The following AGPAT5 variants were observed in gnomAD, a reference collection of about 807,000 sequenced individuals.
The protein encoded by AGPAT5 is 1-acylglycerol-3-phosphate O-acyltransferase 5, also known as 1-acyl-sn-glycerol-3-phosphate acyltransferase epsilon.
In AGPAT5, 46 loss-of-function variants were observed where a neutral mutation model predicts 45.6. The observed-to-expected ratio is 1.01, with a 90% CI of 0.80 to 1.29. AGPAT5 has a LOEUF of 1.29. AGPAT5 is among the 50% of genes most tolerant of loss of function. AGPAT5 has a pLI of 0.00. For missense variants in AGPAT5, 673 were observed against 450.7 expected, an observed-to-expected ratio of 1.49 and a Z score of -4.47; for synonymous variants, 272 against 167.0, an observed-to-expected ratio of 1.63 and a Z score of -4.85.
At position 6,709,026 on chromosome 8, in the gene AGPAT5, C is replaced by T. The variant is rs1004440942; in HGVS notation, c.219+139C>T. On this transcript the variant is annotated intron_variant, in intron 1 of 7. Coordinates refer to ENST00000285518, the MANE Select transcript of AGPAT5 (RefSeq NM_018361.5). Reference sequence around the variant, plus strand: ...ACGGAGAGCACGTGCCGCCTCCCCGCCTTCCTCTCCGCATGCTTCCTGCCG... The same window carrying T: ...ACGGAGAGCACGTGCCGCCTCCCCGTCTTCCTCTCCGCATGCTTCCTGCCG... The T allele has an allele frequency of 4.6e-5, 38 of 818,772 alleles. No individual in the cohort carries two copies. In the Admixed American group the frequency reaches 5.8e-4, roughly 13 times the overall value. 50.7% of individuals were successfully genotyped at this position (818,772 alleles called of 1,614,324 possible). A position where few individuals can be genotyped will look rare whatever the true frequency, so the allele number is the denominator to read the frequency against.
At chr8:6,738,002 T>A (rs1015140969) in intron 4 of AGPAT5, among the ~76,000 whole-genome samples, 4 of 152,218 alleles carry the variant, frequency 2.6e-5, no homozygotes, top group African/African-American at 4.8e-5. Context: ...TGTGGCTGGT[T>A]TGATGTTTTA....
At chr8:6,711,960 C>T (rs1800169706) in intron 1 of AGPAT5, among the ~76,000 whole-genome samples, 1 of 152,148 alleles carries the variant, frequency 6.6e-6, no homozygotes, top group African/African-American at 2.4e-5. Context: ...TGCAAAGAGC[C>T]TTTTTCCAAA....
Position 6,758,192 on chromosome 8 carries a change from G to T in AGPAT5, c.*804G>T, listed in dbSNP as rs1801909371. 6.6e-6 allele frequency: 1 copy of T among 152,408 alleles called. No homozygotes were observed. Among genetic ancestry groups the T allele is most frequent in the Admixed American group, 6.6e-5 (1 of 15,256 alleles). 9.4% of individuals were successfully genotyped at this position (152,408 alleles called of 1,614,324 possible). A position where few individuals can be genotyped will look rare whatever the true frequency, so the allele number is the denominator to read the frequency against. On this transcript the variant is annotated 3_prime_UTR_variant, in exon 8 of 8. Coordinates refer to ENST00000285518, the MANE Select transcript of AGPAT5 (RefSeq NM_018361.5). ...GCCATAAGTGCTTGAAAACGTTAAG[G>T]TTTTCTGTTTTGTTTTGTTTTTTTA... is the stretch of plus-strand genomic sequence containing the variant.
At chr8:6,736,474 T>A (rs1280212784) in intron 4 of AGPAT5, among the ~76,000 whole-genome samples, 3 of 152,234 alleles carry the variant, frequency 2.0e-5, no homozygotes, top group Admixed American at 2.0e-4. Context: ...ATTTAAAAGG[T>A]GTGTTGGGTT....
intron 7 of AGPAT5, among the ~76,000 whole-genome samples, chr8:6,755,793 G>A (rs1028744063): frequency 3.3e-5 from 5 of 151,832 alleles, no homozygotes; most frequent in Non-Finnish European, 7.4e-5. Context: ...AACCCTCCTG[G>A]GTTAACTTTA....
At position 6,757,445 on chromosome 8, in the gene AGPAT5, CACATG is replaced by C; in HGVS notation, c.*62_*66del. 7.6e-7 allele frequency: 1 copy of C among 1,312,896 alleles called. No homozygotes were observed. The highest frequency in any genetic ancestry group is 1.1e-6 in the Non-Finnish European group (1 of 916,242). 81.3% of individuals were successfully genotyped at this position (1,312,896 alleles called of 1,614,324 possible). ...CTACATTGTCTATTTTTGGCGGCTG[CACATG>C]ACATCAAATTGTTTCCTGAATTTAT... On this transcript the variant is annotated 3_prime_UTR_variant, in exon 8 of 8. Coordinates refer to ENST00000285518, the MANE Select transcript of AGPAT5 (RefSeq NM_018361.5).
chr8:6,714,815 A>G (rs1450146338), intron 1 of AGPAT5, among the ~76,000 whole-genome samples: 1 of 152,224 alleles, frequency 6.6e-6, no homozygotes, highest in Admixed American at 6.5e-5. Flanking sequence ...CTGTGCCATT[A>G]CGATGGAAGG....
intron 6 of AGPAT5, among the ~76,000 whole-genome samples, chr8:6,752,272 G>A (rs751749534): frequency 5.3e-5 from 8 of 152,064 alleles, no homozygotes; most frequent in East Asian, 3.8e-4. Context: ...CCCCAATTTG[G>A]ATATTTTCCT....
intron 5 of AGPAT5, among the ~76,000 whole-genome samples, chr8:6,747,229 C>T (rs1464439474): frequency 6.6e-6 from 1 of 152,222 alleles, no homozygotes; most frequent in Non-Finnish European, 1.5e-5. Flanking sequence ...CCTGCAGCCA[C>T]ACAGATGAAC....
intron 1 of AGPAT5, among the ~76,000 whole-genome samples, chr8:6,724,550 T>C (rs1300704001): frequency 6.6e-6 from 1 of 152,238 alleles, no homozygotes; most frequent in East Asian, 1.9e-4. Context: ...CTAGATTGAT[T>C]GTGGGCTCTT....
intron 6 of AGPAT5, among the ~76,000 whole-genome samples, chr8:6,753,126 T>C (rs1412013407): frequency 2.0e-5 from 3 of 152,242 alleles, no homozygotes; most frequent in Admixed American, 6.5e-5. Context: ...TGAGCACATG[T>C]ACGTTTTAGG....
chr8:6,721,931 G>A (rs189855930), intron 1 of AGPAT5, among the ~76,000 whole-genome samples: 3 of 152,088 alleles, frequency 2.0e-5, no homozygotes, highest in African/African-American at 4.8e-5. Flanking sequence ...GAAGCCAAGC[G>A]ATTCTTCTGC....
intron 4 of AGPAT5, 109 bp from the exon 5 acceptor site, chr8:6,741,552 C>G (rs1330327892): frequency 9.0e-6 from 6 of 667,784 alleles, no homozygotes; most frequent in Non-Finnish European, 1.5e-5. Context: ...ACATTTTCTC[C>G]TACTGTAGGA....
At chr8:6,740,136 T>C (rs1390004898) in intron 4 of AGPAT5, among the ~76,000 whole-genome samples, 1 of 152,152 alleles carries the variant, frequency 6.6e-6, no homozygotes. Context: ...TGTCTGTCAA[T>C]GTTCTTTTAA....
intron 2 of AGPAT5, among the ~76,000 whole-genome samples, chr8:6,729,530 C>A (rs887107516): frequency 4.6e-5 from 7 of 151,946 alleles, no homozygotes; most frequent in African/African-American, 1.7e-4. Flanking sequence ...TTTATGTTTT[C>A]TTTCTCATCA....
At chr8:6,716,440 A>C (rs1181849106) in intron 1 of AGPAT5, among the ~76,000 whole-genome samples, 1 of 152,120 alleles carries the variant, frequency 6.6e-6, no homozygotes, top group East Asian at 1.9e-4. Context: ...GTGTGCCTGT[A>C]GTCCTAGCTA....
At chr8:6,723,320 T>C (rs10102783) in intron 1 of AGPAT5, among the ~76,000 whole-genome samples, 3,374 of 152,010 alleles carry the variant, frequency 0.022, 120 homozygotes, top group African/African-American at 0.077. Context: ...CCTGAAGGAG[T>C]GTGGGCAGGT....
chr8:6,726,964 C>T (rs373029902), intron 2 of AGPAT5, among the ~76,000 whole-genome samples: 2 of 152,104 alleles, frequency 1.3e-5, no homozygotes, highest in African/African-American at 2.4e-5. Flanking sequence ...GAAAAATGTG[C>T]ATATAAAAAT....
intron 2 of AGPAT5, among the ~76,000 whole-genome samples, chr8:6,727,257 G>C (rs1312474097): frequency 6.6e-6 from 1 of 151,996 alleles, no homozygotes; most frequent in African/African-American, 2.4e-5. Flanking sequence ...CCTTGTTTTC[G>C]CTTGACACAT....
Sources: allele counts gnomAD v4.1 joint callset (sites outside exome capture counted in the v4.1 genomes callset), GRCh38; gene constraint gnomAD v4.1.1; transcripts MANE v1.5; gene names NCBI Gene and HGNC (gene_info 2026-07-23, HGNC 2026-07-21).